TMEM132D: variants seen among roughly 807,000 people sequenced by gnomAD.
TMEM132D encodes the protein mature OL transmembrane protein.
In TMEM132D, 21 loss-of-function variants were observed where a neutral mutation model predicts 62.3. The observed-to-expected ratio is 0.34, with a 90% CI of 0.24 to 0.49. The LOEUF is 0.49. Among genes scored for constraint, TMEM132D ranks in the 20% least tolerant of loss-of-function variants. The probability of loss-of-function intolerance (pLI) is 0.99; values close to 1 mark genes in which losing one functional copy is unlikely to be tolerated. For missense variants in TMEM132D, 1,346 were observed against 1,402.8 expected (o/e 0.96, Z 0.65); for synonymous variants, 621 against 575.6 (o/e 1.08, Z -1.13).
chr12:129,714,393 T>C (rs1868488646), intron 1 of TMEM132D, among the ~76,000 whole-genome samples: 1 of 152,228 alleles, frequency 6.6e-6, no homozygotes, highest in Non-Finnish European at 1.5e-5. Context: ...AATTGCCTCA[T>C]TCAAGACTGT....
intron 5 of TMEM132D, among the ~76,000 whole-genome samples, chr12:129,200,285 C>T (rs1878665576): frequency 6.6e-6 from 1 of 152,156 alleles, no homozygotes; most frequent in Non-Finnish European, 1.5e-5. Flanking sequence ...TATTGGGAGG[C>T]CAGTCTAATC....
chr12:129,538,547 C>T (rs1381385316), intron 2 of TMEM132D, among the ~76,000 whole-genome samples: 2 of 152,146 alleles, frequency 1.3e-5, no homozygotes, highest in Admixed American at 6.5e-5. Context: ...AAACCCTATA[C>T]ATACTATGTT....
At chr12:129,249,671 A>G (rs1040718747) in intron 4 of TMEM132D, among the ~76,000 whole-genome samples, 1 of 152,168 alleles carries the variant, frequency 6.6e-6, no homozygotes, top group African/African-American at 2.4e-5. Context: ...ATCCATTTCC[A>G]TGTCAGTCAG....
At chr12:129,761,714 C>A (rs922952142) in intron 1 of TMEM132D, among the ~76,000 whole-genome samples, 1 of 152,146 alleles carries the variant, frequency 6.6e-6, no homozygotes, top group Non-Finnish European at 1.5e-5. Context: ...ATTTGGGCTA[C>A]GATAACTCCC....
chr12:129,534,012 A>G (rs948071469), intron 2 of TMEM132D, among the ~76,000 whole-genome samples: 3 of 152,234 alleles, frequency 2.0e-5, no homozygotes, highest in African/African-American at 7.2e-5. Context: ...TGAAGCACGA[A>G]TCTCAGAGCT....
chr12:129,886,933 C>T (rs1457699378), intron 1 of TMEM132D, among the ~76,000 whole-genome samples: 8 of 152,270 alleles, frequency 5.3e-5, no homozygotes, highest in African/African-American at 1.9e-4. Context: ...ATGTTTACTT[C>T]TCCTTCCACC....
chr12:129,245,001 A>C lies in TMEM132D; in HGVS notation c.1300-35338T>G, dbSNP rs114130863. Among the ~76,000 whole-genome samples, 374 of 152,324 alleles carry C rather than the reference A, an allele frequency of 2.5e-3. 3 individuals carry two copies. The highest frequency in any genetic ancestry group is 8.6e-3 in the African/African-American group (359 of 41,574). ...ATTTAACAGGAGCTTAGTTTACTTC[A>C]AATTCTAAGCCCATATTCTTTTAAT... On this transcript the variant is annotated intron_variant, in intron 4 of 8. Transcript: ENST00000422113.
At chr12:129,831,151 C>G (rs1566000914) in intron 1 of TMEM132D, among the ~76,000 whole-genome samples, 1 of 152,320 alleles carries the variant, frequency 6.6e-6, no homozygotes, top group East Asian at 1.9e-4. Context: ...ATACCCTCCT[C>G]TGGAGCCAGG....
intron 3 of TMEM132D, among the ~76,000 whole-genome samples, chr12:129,509,109 C>G (rs1330858621): frequency 2.0e-5 from 3 of 152,092 alleles, no homozygotes; most frequent in Non-Finnish European, 4.4e-5. Context: ...TTCAGAATGC[C>G]TCAGCTTGCT....
chr12:129,350,993 T>C (rs1869844501), intron 3 of TMEM132D, among the ~76,000 whole-genome samples: 1 of 152,156 alleles, frequency 6.6e-6, no homozygotes, highest in South Asian at 2.1e-4. Flanking sequence ...TCAATAATAG[T>C]CACCACCAGA....
intron 4 of TMEM132D, among the ~76,000 whole-genome samples, chr12:129,226,087 T>A (rs529431471): frequency 6.6e-6 from 1 of 152,214 alleles, no homozygotes; most frequent in African/African-American, 2.4e-5. Context: ...TCAAGGGTGA[T>A]GTTGATTGCG....
At chr12:129,132,077 T>C (rs1345767602) in intron 5 of TMEM132D, among the ~76,000 whole-genome samples, 1 of 152,210 alleles carries the variant, frequency 6.6e-6, no homozygotes, top group African/African-American at 2.4e-5. Flanking sequence ...TCCACCTCAC[T>C]GTTTTTTTAT....
intron 4 of TMEM132D, among the ~76,000 whole-genome samples, chr12:129,246,376 C>T (rs2135587633): frequency 6.6e-6 from 1 of 152,284 alleles, no homozygotes; most frequent in African/African-American, 2.4e-5. Context: ...TCTGCTTTTA[C>T]ACATAAGAGG....
chr12:129,144,776 T>C (rs987763246), intron 5 of TMEM132D, among the ~76,000 whole-genome samples: 7 of 152,026 alleles, frequency 4.6e-5, no homozygotes, highest in African/African-American at 1.7e-4. Context: ...TATCCAGCTC[T>C]ATCTACCTAA....
intron 1 of TMEM132D, among the ~76,000 whole-genome samples, chr12:129,749,667 G>A (rs1372735313): frequency 2.0e-5 from 3 of 151,314 alleles, no homozygotes; most frequent in Admixed American, 6.6e-5. Flanking sequence ...ATTTCACCAC[G>A]TTGGTCAGGC....
intron 1 of TMEM132D, among the ~76,000 whole-genome samples, chr12:129,843,494 C>T (rs1480357567): frequency 6.6e-6 from 1 of 152,120 alleles, no homozygotes; most frequent in Non-Finnish European, 1.5e-5. Context: ...TTGAAAACCA[C>T]TACACGCTAA....
chr12:129,548,118 C>G (rs144075579), intron 2 of TMEM132D, among the ~76,000 whole-genome samples: 1 of 152,154 alleles, frequency 6.6e-6, no homozygotes, highest in Admixed American at 6.5e-5. Context: ...ATTTAGTTGT[C>G]GCTTAATCAC....
chr12:129,859,067 G>T (rs1873799652), intron 1 of TMEM132D, among the ~76,000 whole-genome samples: 1 of 152,072 alleles, frequency 6.6e-6, no homozygotes, highest in African/African-American at 2.4e-5. Flanking sequence ...ACGGAGTCCG[G>T]GGGAACGGGA....
chr12:129,865,648 G>T (rs1874035836), intron 1 of TMEM132D, among the ~76,000 whole-genome samples: 1 of 152,240 alleles, frequency 6.6e-6, no homozygotes, highest in African/African-American at 2.4e-5. Context: ...AGAATGAACT[G>T]TGGGGAGCAA....
Sources: allele counts gnomAD v4.1 joint callset (sites outside exome capture counted in the v4.1 genomes callset), GRCh38; gene constraint gnomAD v4.1.1; transcripts MANE v1.5; gene names NCBI Gene and HGNC (gene_info 2026-07-23, HGNC 2026-07-21).